Variants in KCMF1 observed in about 807,000 individuals in gnomAD.
The protein encoded by KCMF1 is potassium channel modulatory factor 1.
Under a neutral mutation model 41.1 loss-of-function variants are expected in KCMF1, and 3 were observed. That is an observed-to-expected ratio of 0.07 (90% CI 0.03 to 0.19). KCMF1 has a LOEUF of 0.19. Among genes scored for constraint, KCMF1 ranks in the 10% least tolerant of loss-of-function variants. KCMF1 has a pLI of 1.00. For synonymous variants in KCMF1, 142 were observed against 164.5 expected (o/e 0.86, Z 1.04); for missense variants, 286 against 488.9 (o/e 0.58, Z 3.91).
intron 1 of KCMF1, among the ~76,000 whole-genome samples, chr2:85,015,189 C>G (rs1558576012): frequency 6.8e-6 from 1 of 147,774 alleles, no homozygotes; most frequent in South Asian, 2.1e-4. Context: ...CTGTTATAGA[C>G]ACACATTAAT....
In KCMF1 at chr2:84,995,569, GATCT is replaced by G. The variant is rs1220880834; in HGVS notation, c.16+24110_16+24113del. Among the ~76,000 whole-genome samples the G allele has an allele frequency of 2.0e-5, 3 of 152,106 alleles. No individual in the cohort carries two copies. The East Asian group carries it at 5.8e-4, about 29-fold the overall frequency. ...GTCTGTCACTGATGTGAGCTACTTG[GATCT>G]ATCTATCCTTTGTTAGTGATTGCAA... is the stretch of plus-strand genomic sequence containing the variant. On this transcript the variant is annotated intron_variant, in intron 1 of 6. Transcript: ENST00000409785.
chr2:85,033,038 T>A (rs1285473107), intron 2 of KCMF1, among the ~76,000 whole-genome samples: 1 of 152,224 alleles, frequency 6.6e-6, no homozygotes, highest in Non-Finnish European at 1.5e-5. Flanking sequence ...TGATGTTTGC[T>A]CAGTTTTTGG....
intron 1 of KCMF1, among the ~76,000 whole-genome samples, chr2:85,026,737 C>G (rs561828438): frequency 6.6e-6 from 1 of 152,256 alleles, no homozygotes; most frequent in South Asian, 2.1e-4. Context: ...ATCCCCCTGC[C>G]TCGCCTTGCC....
At chr2:85,036,264 C>T (rs572309210) in intron 3 of KCMF1, among the ~76,000 whole-genome samples, 1 of 152,196 alleles carries the variant, frequency 6.6e-6, no homozygotes, top group African/African-American at 2.4e-5. Flanking sequence ...CTAGGAGAGC[C>T]TCAGACTACT....
rs182791152 is a variant in KCMF1 at position 85,034,937 on chromosome 2, A to G, written c.185-79A>G. On this transcript the variant is annotated intron_variant, in intron 2 of 6. Transcript: ENST00000409785. ...GCTCCTGGCCCACACTTTCTTTTTT[A>G]CATTATTGTATCGTACGATTACATT... 1.4e-5 allele frequency: 18 copies of G among 1,245,818 alleles called. No individual in the cohort carries two copies. In the Admixed American group the frequency reaches 3.9e-4, roughly 27 times the overall value. 77.2% of individuals were successfully genotyped at this position (1,245,818 alleles called of 1,614,324 possible).
chr2:84,975,813 A>T (rs959351556), intron 1 of KCMF1, among the ~76,000 whole-genome samples: 2 of 152,040 alleles, frequency 1.3e-5, no homozygotes, highest in African/African-American at 2.4e-5. Context: ...CTTTCCAAAT[A>T]AAAAAAAGCA....
rs1053935333 is a variant in KCMF1, at chr2:85,044,104, C to T, written c.426+439C>T. Among the ~76,000 whole-genome samples the T allele has an allele frequency of 3.9e-5, 6 of 152,068 alleles. 1 individual carries two copies. In the Middle Eastern group the frequency reaches 0.01, roughly 259 times the overall value. ...GACCAAATTGTGTCTTCCAGGATGGCGTTTTCATACAAAAGAGGAAAATGT... is the reference window on the plus strand; with the variant it reads ...GACCAAATTGTGTCTTCCAGGATGGTGTTTTCATACAAAAGAGGAAAATGT... On this transcript the variant is annotated intron_variant, in intron 4 of 6. Coordinates refer to ENST00000409785, the MANE Select transcript of KCMF1 (RefSeq NM_020122.5).
chr2:84,979,375 AT>A (rs1673644762), intron 1 of KCMF1, among the ~76,000 whole-genome samples: 2 of 152,072 alleles, frequency 1.3e-5, no homozygotes, highest in East Asian at 1.9e-4. Context: ...ATACAAAAAA[AT>A]ATCTGGGCGT....
chr2:85,030,854 G>A (rs1364136742), intron 2 of KCMF1, among the ~76,000 whole-genome samples: 2 of 152,102 alleles, frequency 1.3e-5, no homozygotes, highest in Non-Finnish European at 2.9e-5. Flanking sequence ...AAGCCACCAC[G>A]CCTAGCTGAT....
chr2:85,031,753 C>CT (rs1443277223), intron 2 of KCMF1, among the ~76,000 whole-genome samples: 1 of 152,132 alleles, frequency 6.6e-6, no homozygotes, highest in Non-Finnish European at 1.5e-5. Context: ...ACTTATTTAT[C>CT]TATCTATTTT....
At chr2:85,037,938 C>G (rs1675442287) in intron 3 of KCMF1, among the ~76,000 whole-genome samples, 2 of 152,218 alleles carry the variant, frequency 1.3e-5, no homozygotes, top group South Asian at 4.1e-4. Context: ...AGCGCAATCC[C>G]TTTTGTGAAC....
intron 1 of KCMF1, among the ~76,000 whole-genome samples, chr2:84,996,505 G>A (rs753456889): frequency 2.1e-4 from 29 of 140,286 alleles, no homozygotes; most frequent in Admixed American, 6.1e-4. Context: ...GTGCAATCCC[G>A]GCTCACTGGA....
At chr2:85,029,516 T>C (rs1675209150) in intron 2 of KCMF1, among the ~76,000 whole-genome samples, 2 of 151,746 alleles carry the variant, frequency 1.3e-5, no homozygotes, top group South Asian at 4.2e-4. Context: ...GGAGGATCAC[T>C]TGAGCCCAGG....
At chr2:85,047,875 T>C (rs1675710020) in intron 5 of KCMF1, among the ~76,000 whole-genome samples, 1 of 152,048 alleles carries the variant, frequency 6.6e-6, no homozygotes, top group South Asian at 2.1e-4. Flanking sequence ...CATTGATAAG[T>C]GTAAATCTGT....
At chr2:85,020,620 G>A (rs1046673202) in intron 1 of KCMF1, among the ~76,000 whole-genome samples, 4 of 151,950 alleles carry the variant, frequency 2.6e-5, no homozygotes, top group African/African-American at 9.7e-5. Context: ...TAGAAACTGG[G>A]TTTCTCCATG....
chr2:85,057,147 T>A lies in KCMF1; in HGVS notation c.*3738T>A, dbSNP rs1323152272. 6.7e-6 allele frequency: 1 copy of A among 150,210 alleles called. No homozygotes were observed. The highest frequency in any genetic ancestry group is 1.5e-5 in the Non-Finnish European group (1 of 67,764). The allele number at this position is 150,210 out of a possible 1,614,324, so 9.3% of individuals were successfully genotyped here. ...AGCTGAGATCACGCCGCCATTGCACTCCAGCCCGGGCGACGGTGCAAGACT... is the reference window on the plus strand; with the variant it reads ...AGCTGAGATCACGCCGCCATTGCACACCAGCCCGGGCGACGGTGCAAGACT... On this transcript the variant is annotated 3_prime_UTR_variant, in exon 7 of 7. Coordinates refer to ENST00000409785, the MANE Select transcript of KCMF1 (RefSeq NM_020122.5).
intron 1 of KCMF1, among the ~76,000 whole-genome samples, chr2:85,011,066 T>C (rs1674639403): frequency 6.6e-6 from 1 of 152,078 alleles, no homozygotes; most frequent in Non-Finnish European, 1.5e-5. Context: ...ATGGTCTCGA[T>C]CTCTTGACCT....
intron 1 of KCMF1, among the ~76,000 whole-genome samples, chr2:85,025,019 A>G (rs1045406553): frequency 6.6e-6 from 1 of 152,136 alleles, no homozygotes; most frequent in African/African-American, 2.4e-5. Context: ...TTAGCTCTTG[A>G]TATATAAAAC....
intron 1 of KCMF1, among the ~76,000 whole-genome samples, chr2:84,976,583 A>C (rs1372604987): frequency 6.6e-6 from 1 of 151,810 alleles, no homozygotes; most frequent in African/African-American, 2.4e-5. Context: ...AGTGATGTGC[A>C]CATGTAGTCC....
Sources: allele counts gnomAD v4.1 joint callset (sites outside exome capture counted in the v4.1 genomes callset), GRCh38; gene constraint gnomAD v4.1.1; transcripts MANE v1.5; gene names NCBI Gene and HGNC (gene_info 2026-07-23, HGNC 2026-07-21).